The following SAMMSON variants were observed in gnomAD, a reference collection of about 807,000 sequenced individuals.
SAMMSON encodes the protein long intergenic non-protein coding RNA 1212.
chr3:70,249,504 C>G (rs1310201717), intron 5 of SAMMSON: 1 of 152,156 alleles, frequency 6.6e-6, no homozygotes, highest in African/African-American at 2.4e-5. Context: ...ACATCTTTCT[C>G]TTTCTGATTA....
At chr3:70,424,342 T>C (rs1701337355) in intron 2 of SAMMSON, among the ~76,000 whole-genome samples, 1 of 152,208 alleles carries the variant, frequency 6.6e-6, no homozygotes, top group Non-Finnish European at 1.5e-5. Context: ...GCCAAAGTGA[T>C]CCACAGAACT....
At chr3:70,284,149 A>G (rs748701952) in intron 6 of SAMMSON, among the ~76,000 whole-genome samples, 47 of 152,148 alleles carry the variant, frequency 3.1e-4, no homozygotes, top group Non-Finnish European at 6.3e-4. Flanking sequence ...TCATGAAAGC[A>G]AGAGTCACAG....
chr3:70,153,515 A>G (rs780375555), intron 4 of SAMMSON, among the ~76,000 whole-genome samples: 2 of 152,028 alleles, frequency 1.3e-5, no homozygotes, highest in Non-Finnish European at 2.9e-5. Context: ...ATTTAAAAAA[A>G]AAATTATTGA....
chr3:70,141,729 T>G (rs1483267484), intron 4 of SAMMSON, among the ~76,000 whole-genome samples: 1 of 152,176 alleles, frequency 6.6e-6, no homozygotes, highest in African/African-American at 2.4e-5. Context: ...TAGGATTGTT[T>G]TCTGTTTTTT....
chr3:70,027,029 T>A (rs901438318), intron 3 of SAMMSON, among the ~76,000 whole-genome samples: 2 of 152,246 alleles, frequency 1.3e-5, no homozygotes, highest in African/African-American at 4.8e-5. Context: ...TAAAATGGGT[T>A]CTTTAAAACC....
At chr3:70,298,660 A>G (rs1702315302) in intron 7 of SAMMSON, among the ~76,000 whole-genome samples, 1 of 152,140 alleles carries the variant, frequency 6.6e-6, no homozygotes, top group South Asian at 2.1e-4. Context: ...TGAATGAGTA[A>G]TAGGTTTAAA....
At chr3:70,183,998 G>A (rs1394594270) in intron 4 of SAMMSON, 1 of 152,182 alleles carries the variant, frequency 6.6e-6, no homozygotes, top group Non-Finnish European at 1.5e-5. Context: ...TCGTAGTTCT[G>A]TGAGCTAAAG....
At chr3:70,023,017 G>C (rs1325457518) in intron 3 of SAMMSON, among the ~76,000 whole-genome samples, 2 of 152,260 alleles carry the variant, frequency 1.3e-5, no homozygotes, top group Middle Eastern at 6.8e-3. Context: ...TATTAATACA[G>C]TATTCCACTG....
At chr3:70,304,674 C>T (rs1702383227) in intron 7 of SAMMSON, among the ~76,000 whole-genome samples, 1 of 152,182 alleles carries the variant, frequency 6.6e-6, no homozygotes, top group African/African-American at 2.4e-5. Flanking sequence ...TATCCTATCC[C>T]AGTTACCATC....
intron 4 of SAMMSON, among the ~76,000 whole-genome samples, chr3:70,227,904 T>C (rs1182806633): frequency 1.3e-5 from 2 of 152,132 alleles, no homozygotes; most frequent in Non-Finnish European, 2.9e-5. Flanking sequence ...GCATGAGCTT[T>C]TAACTACCAT....
chr3:70,434,539 G>A (rs1273840632), intron 2 of SAMMSON, among the ~76,000 whole-genome samples: 1 of 152,026 alleles, frequency 6.6e-6, no homozygotes, highest in Non-Finnish European at 1.5e-5. Flanking sequence ...TTTTCTATAT[G>A]TAGACAACTG....
intron 4 of SAMMSON, among the ~76,000 whole-genome samples, chr3:70,079,109 A>G (rs746206678): frequency 5.3e-5 from 8 of 152,180 alleles, no homozygotes; most frequent in Non-Finnish European, 1.0e-4. Flanking sequence ...CATTTACAGA[A>G]AAAGTTTGCA....
chr3:70,306,160 A>G (rs1343614447), intron 7 of SAMMSON, among the ~76,000 whole-genome samples: 2 of 152,048 alleles, frequency 1.3e-5, no homozygotes, highest in East Asian at 1.9e-4. Flanking sequence ...CTGGAGTGCA[A>G]TGGCGTGGTC....
intron 4 of SAMMSON, among the ~76,000 whole-genome samples, chr3:70,248,906 G>C (rs1436967775): frequency 1.3e-5 from 2 of 152,122 alleles, no homozygotes; most frequent in East Asian, 3.9e-4. Context: ...CTACTTACCA[G>C]GAAATGGGCT....
At chr3:70,176,844 T>C (rs1432373215) in intron 4 of SAMMSON, among the ~76,000 whole-genome samples, 1 of 152,196 alleles carries the variant, frequency 6.6e-6, no homozygotes, top group Admixed American at 6.5e-5. Flanking sequence ...CTAAGTTACA[T>C]ATTATGGAAA....
At chr3:70,316,971 G>A (rs1702499028) in intron 7 of SAMMSON, among the ~76,000 whole-genome samples, 1 of 152,042 alleles carries the variant, frequency 6.6e-6, no homozygotes, top group Non-Finnish European at 1.5e-5. Context: ...ATAAACATGT[G>A]AATAACAGTT....
At chr3:70,300,100 A>T (rs978819735) in intron 7 of SAMMSON, among the ~76,000 whole-genome samples, 11 of 152,048 alleles carry the variant, frequency 7.2e-5, no homozygotes, top group Admixed American at 6.6e-4. Flanking sequence ...AGAATTCTAG[A>T]TGTGCTGCTT....
At chr3:70,022,070 A>G (rs1049045396) in intron 3 of SAMMSON, among the ~76,000 whole-genome samples, 1 of 152,094 alleles carries the variant, frequency 6.6e-6, no homozygotes, top group Non-Finnish European at 1.5e-5. Context: ...GGAAGGCAAC[A>G]TCTTAACGAG....
chr3:70,170,596 T>G (rs1700935706), intron 4 of SAMMSON, among the ~76,000 whole-genome samples: 1 of 146,736 alleles, frequency 6.8e-6, no homozygotes, highest in Non-Finnish European at 1.5e-5. Context: ...TTTTTTTTTT[T>G]TTTTTGTATT....
Sources: gnomAD v4.1 joint callset for allele counts (sites outside exome capture counted in the v4.1 genomes callset) on GRCh38, gnomAD v4.1.1 for gene constraint, MANE v1.5 for transcripts, NCBI Gene and HGNC (gene_info 2026-07-23, HGNC 2026-07-21) for gene names.